Variants in ANO2 observed in about 807,000 individuals in gnomAD.
ANO2 encodes the protein anoctamin-2.
ANO2 carries 101 observed loss-of-function variants against 124.2 expected under a neutral mutation model. The ratio of observed to expected loss-of-function variants is 0.81; its 90% CI spans 0.69 to 0.96. The LOEUF (loss-of-function observed/expected upper bound fraction) is 0.96, where lower values mean the gene tolerates loss of function less well. Ranked by LOEUF, ANO2 falls within the 40% of genes least tolerant of loss-of-function variation. The probability of loss-of-function intolerance (pLI) is 0.00; values close to 1 mark genes in which losing one functional copy is unlikely to be tolerated. For synonymous variants in ANO2, 486 were observed against 482.5 expected (o/e 1.01, Z -0.09); for missense variants, 1,293 against 1,274.5 (o/e 1.01, Z -0.22).
intron 16 of ANO2, among the ~76,000 whole-genome samples, chr12:5,630,567 T>C (rs1184234845): frequency 1.3e-5 from 2 of 152,216 alleles, no homozygotes; most frequent in African/African-American, 4.8e-5. Context: ...AGAGTTGAAA[T>C]AAGGAATACA....
intron 13 of ANO2, among the ~76,000 whole-genome samples, chr12:5,735,603 C>T (rs922465134): frequency 6.6e-6 from 1 of 152,132 alleles, no homozygotes; most frequent in Non-Finnish European, 1.5e-5. Context: ...AGAAATAAAG[C>T]AGAATGGCTG....
chr12:5,739,980 C>A (rs772614401), intron 12 of ANO2: 1 of 455,956 alleles, frequency 2.2e-6, no homozygotes, highest in South Asian at 1.6e-5. Flanking sequence ...AAGTAGTATG[C>A]ATTCATTCTT....
In ANO2 at chr12:5,708,321, C is replaced by T. The variant is rs142535349; in HGVS notation, c.1545+24199G>A. ...ACATTTTACAATGCAAATCTGATTACGTAGTGCCCCTGTTGCTAAAATCCT... is the reference window on the plus strand; with the variant it reads ...ACATTTTACAATGCAAATCTGATTATGTAGTGCCCCTGTTGCTAAAATCCT... On this transcript the variant is annotated intron_variant, in intron 14 of 24. Coordinates refer to ENST00000682330, the MANE Select transcript of ANO2 (RefSeq NM_001364791.2). Among the ~76,000 whole-genome samples, 482 of 152,322 alleles carry T rather than the reference C, an allele frequency of 3.2e-3. 3 individuals carry two copies. Among genetic ancestry groups the T allele is most frequent in the Non-Finnish European group, 5.4e-3 (365 of 68,024 alleles).
intron 4 of ANO2, among the ~76,000 whole-genome samples, chr12:5,838,835 C>T (rs983024417): frequency 6.6e-6 from 1 of 152,232 alleles, no homozygotes; most frequent in African/African-American, 2.4e-5. Context: ...AGAGCAGGGA[C>T]CCTGCCTGTG....
In ANO2 at chr12:5,922,881, T is replaced by G. The variant is rs1041398212; in HGVS notation, c.23-77A>C. 2.9e-6 allele frequency: 4 copies of G among 1,361,354 alleles called. No homozygotes were observed. The East Asian group carries it at 1.1e-4, about 38-fold the overall frequency. 84.3% of individuals were successfully genotyped at this position (1,361,354 alleles called of 1,614,324 possible). ...CAAGACACTGAGGTACTGAGTGTAC[T>G]CAGACACTAGCCCTGAGAAAATGGC... On this transcript the variant is annotated intron_variant, in intron 1 of 24. Coordinates refer to ENST00000682330, the MANE Select transcript of ANO2 (RefSeq NM_001364791.2).
At chr12:5,841,931 A>ATGAT (rs1349227166) in intron 4 of ANO2, among the ~76,000 whole-genome samples, 1 of 152,110 alleles carries the variant, frequency 6.6e-6, no homozygotes, top group African/African-American at 2.4e-5. Flanking sequence ...GTGCAGTAGT[A>ATGAT]TGATTATAGC....
At chr12:5,859,364 A>G (rs1288275689) in intron 3 of ANO2, among the ~76,000 whole-genome samples, 1 of 147,074 alleles carries the variant, frequency 6.8e-6, no homozygotes, top group African/African-American at 2.7e-5. Flanking sequence ...AAATGTCTCA[A>G]AAAAACTATG....
intron 12 of ANO2, among the ~76,000 whole-genome samples, chr12:5,741,514 G>A (rs560269282): frequency 5.3e-5 from 8 of 152,264 alleles, no homozygotes; most frequent in African/African-American, 1.4e-4. Flanking sequence ...CTTGGTTCCC[G>A]AGGAGGGCTG....
At chr12:5,569,487 CCT>C (rs1327125924) in intron 23 of ANO2, among the ~76,000 whole-genome samples, 1 of 152,176 alleles carries the variant, frequency 6.6e-6, no homozygotes, top group Non-Finnish European at 1.5e-5. Context: ...TGAGAGTTCC[CCT>C]GAGTTTTCTA....
intron 14 of ANO2, among the ~76,000 whole-genome samples, chr12:5,657,100 G>A (rs1020862314): frequency 1.3e-5 from 2 of 152,194 alleles, no homozygotes; most frequent in Non-Finnish European, 2.9e-5. Context: ...CTGTTTCCAC[G>A]AATGACTTCA....
chr12:5,772,770 T>A (rs569585271), intron 10 of ANO2, among the ~76,000 whole-genome samples: 1 of 152,372 alleles, frequency 6.6e-6, no homozygotes, highest in African/African-American at 2.4e-5. Context: ...TACAGTACAA[T>A]ATCCCCTAAT....
At chr12:5,804,846 G>A (rs894713407) in intron 9 of ANO2, among the ~76,000 whole-genome samples, 2 of 152,120 alleles carry the variant, frequency 1.3e-5, no homozygotes, top group Non-Finnish European at 2.9e-5. Flanking sequence ...TCTCCGTAAT[G>A]ATCCTAGACA....
chr12:5,927,378 A>G (rs115765636), intron 1 of ANO2, among the ~76,000 whole-genome samples: 1,930 of 152,318 alleles, frequency 0.013, 32 homozygotes, highest in African/African-American at 0.041. Flanking sequence ...GAGGCAGATG[A>G]AGAAGGGGTA....
intron 15 of ANO2, among the ~76,000 whole-genome samples, chr12:5,639,387 T>C (rs1326817733): frequency 6.6e-6 from 1 of 152,128 alleles, no homozygotes. Flanking sequence ...AGTTCTAGGT[T>C]CCAGTGGAAA....
chr12:5,566,960 A>G (rs1941800955), intron 23 of ANO2, among the ~76,000 whole-genome samples: 3 of 152,248 alleles, frequency 2.0e-5, no homozygotes, highest in South Asian at 2.1e-4. Flanking sequence ...GGTCCATGCA[A>G]AAGCTAGTTT....
At chr12:5,573,835 G>T (rs1942260450) in intron 23 of ANO2, among the ~76,000 whole-genome samples, 2 of 152,198 alleles carry the variant, frequency 1.3e-5, no homozygotes, top group African/African-American at 4.8e-5. Flanking sequence ...TGAAGTTGTT[G>T]TTCCTGGAAC....
chr12:5,569,165 C>T (rs1941953586), intron 23 of ANO2, among the ~76,000 whole-genome samples: 1 of 152,218 alleles, frequency 6.6e-6, no homozygotes, highest in Non-Finnish European at 1.5e-5. Flanking sequence ...CCATACAGGG[C>T]TTCTCTCAGG....
intron 15 of ANO2, among the ~76,000 whole-genome samples, chr12:5,642,630 AGAAT>A (rs1482990973): frequency 1.3e-5 from 2 of 152,306 alleles, no homozygotes; most frequent in Non-Finnish European, 2.9e-5. Flanking sequence ...CCCAGCAGCC[AGAAT>A]GATCCTTTTG....
At chr12:5,610,052 A>G (rs1342794602) in intron 19 of ANO2, among the ~76,000 whole-genome samples, 1 of 136,090 alleles carries the variant, frequency 7.3e-6, no homozygotes, top group Non-Finnish European at 1.5e-5. Flanking sequence ...TAAATATATT[A>G]TATATAAATA....
Sources: gnomAD v4.1 joint callset for allele counts (sites outside exome capture counted in the v4.1 genomes callset) on GRCh38, gnomAD v4.1.1 for gene constraint, MANE v1.5 for transcripts, NCBI Gene and HGNC (gene_info 2026-07-23, HGNC 2026-07-21) for gene names.